NUP210L: variants seen among roughly 807,000 people sequenced by gnomAD.
NUP210L encodes the protein nuclear pore membrane glycoprotein 210-like.
Under a neutral mutation model 208.5 loss-of-function variants are expected in NUP210L, and 74 were observed. That is an observed-to-expected ratio of 0.35 (90% confidence interval 0.29 to 0.43). The LOEUF (loss-of-function observed/expected upper bound fraction) is 0.43. NUP210L is among the 20% of genes least tolerant of loss of function. The probability of loss-of-function intolerance (pLI) is 1.00; values close to 1 mark genes in which losing one functional copy is unlikely to be tolerated. For missense variants in NUP210L, 1,843 were observed against 2,289.4 expected, an observed-to-expected ratio of 0.81 and a Z score of 3.98; for synonymous variants, 780 against 816.9, an observed-to-expected ratio of 0.95 and a Z score of 0.77.
At chr1:154,082,593 CAAT>C (rs1655395807) in intron 16 of NUP210L, among the ~76,000 whole-genome samples, 1 of 152,184 alleles carries the variant, frequency 6.6e-6, no homozygotes, top group Non-Finnish European at 1.5e-5. Flanking sequence ...GTATCCTTTA[CAAT>C]ATCCTTTATA....
chr1:153,997,197 CAGGT>C (rs1051871505), intron 37 of NUP210L, among the ~76,000 whole-genome samples: 32 of 151,600 alleles, frequency 2.1e-4, no homozygotes, highest in African/African-American at 7.5e-4. Context: ...CTCCTCACCT[CAGGT>C]GATCCAACCA....
intron 38 of NUP210L, among the ~76,000 whole-genome samples, chr1:153,993,567 GAAAAAA>G (rs1211758853): frequency 3.3e-5 from 4 of 122,872 alleles, no homozygotes; most frequent in African/African-American, 1.2e-4. Flanking sequence ...CTCTGTCTCA[GAAAAAA>G]AAAAAAAAGT....
In NUP210L at chr1:154,007,721, T is replaced by A. The variant is rs1187958851; in HGVS notation, c.4930+2251A>T. Among the ~76,000 whole-genome samples the A allele has an allele frequency of 5.2e-4, 79 of 151,778 alleles. 1 individual carries two copies. Among genetic ancestry groups the A allele is most frequent in the African/African-American group, 1.9e-3 (77 of 41,392 alleles). The stretch of plus-strand genomic sequence containing the variant: ...CTGAGTAGCTGGGACTACAGGCGCC[T>A]GCCAACACGCCTGGCTAATTTTTTG... On this transcript the variant is annotated intron_variant, in intron 35 of 39. Transcript: ENST00000368559.
At chr1:154,143,505 C>A (rs1022300659) in exon 3 of NUP210L, 2 of 1,613,896 alleles carry the variant, frequency 1.2e-6, no homozygotes, top group Admixed American at 1.7e-5. Flanking sequence ...ATAAAGTTCC[C>A]GGGCCCGAGA....
chr1:154,130,359 G>C (rs2148123720), intron 7 of NUP210L, among the ~76,000 whole-genome samples: 1 of 151,638 alleles, frequency 6.6e-6, no homozygotes, highest in East Asian at 2.0e-4. Flanking sequence ...TGAAACCACT[G>C]CCTCCCATGT....
At chr1:154,094,964 G>A (rs909755703) in exon 15 of NUP210L, 6 of 1,613,868 alleles carry the variant, frequency 3.7e-6, no homozygotes, top group Middle Eastern at 1.6e-4. Flanking sequence ...CATTGGATCC[G>A]GTAGATGTAC....
chr1:154,153,261 G>A (rs1659491796), intron 1 of NUP210L, among the ~76,000 whole-genome samples: 1 of 152,084 alleles, frequency 6.6e-6, no homozygotes, highest in South Asian at 2.1e-4. Context: ...AAATTATGAG[G>A]TGTGAGTCCA....
chr1:154,028,519 G>A (rs1652029036), intron 28 of NUP210L, among the ~76,000 whole-genome samples: 1 of 152,038 alleles, frequency 6.6e-6, no homozygotes, highest in African/African-American at 2.4e-5. Flanking sequence ...CTTGGGAGGT[G>A]GAGGTTGCAG....
At chr1:154,071,826 CG>C (rs1654749922) in intron 16 of NUP210L, among the ~76,000 whole-genome samples, 1 of 151,534 alleles carries the variant, frequency 6.6e-6, no homozygotes. Context: ...TTAGTAGAGA[CG>C]GGATTTCACC....
At chr1:154,115,216 C>A (rs1423515600) in intron 12 of NUP210L, among the ~76,000 whole-genome samples, 1 of 152,164 alleles carries the variant, frequency 6.6e-6, no homozygotes, top group Admixed American at 6.6e-5. Context: ...AGAACAGAGA[C>A]CTTACCATAC....
intron 16 of NUP210L, among the ~76,000 whole-genome samples, chr1:154,071,475 T>C (rs1166422648): frequency 1.3e-5 from 2 of 149,440 alleles, no homozygotes; most frequent in African/African-American, 4.9e-5. Flanking sequence ...CCAAAGTCTA[T>C]TGTGCCATTC....
intron 14 of NUP210L, among the ~76,000 whole-genome samples, chr1:154,096,676 G>A (rs1280292963): frequency 1.3e-5 from 2 of 151,606 alleles, no homozygotes; most frequent in Admixed American, 6.6e-5. Context: ...AGGAGAATCA[G>A]TTGGAGGCAG....
chr1:154,074,363 C>T (rs1308746396), intron 16 of NUP210L, among the ~76,000 whole-genome samples: 1 of 152,018 alleles, frequency 6.6e-6, no homozygotes, highest in African/African-American at 2.4e-5. Flanking sequence ...AAAAAGCATC[C>T]TTTTTTCTCT....
At chr1:154,138,015 TA>T (rs1406566971) in intron 6 of NUP210L, 90 bp downstream of exon 6, 13 of 914,836 alleles carry the variant, frequency 1.4e-5, no homozygotes, top group Non-Finnish European at 2.0e-5. Flanking sequence ...AAAACACAAG[TA>T]TTTTTCATAT....
At chr1:154,080,747 A>G (rs762833690) in intron 16 of NUP210L, among the ~76,000 whole-genome samples, 11 of 151,564 alleles carry the variant, frequency 7.3e-5, no homozygotes, top group Non-Finnish European at 1.5e-4. Context: ...CAAGGCAGGT[A>G]AATCAGTCAA....
intron 16 of NUP210L, chr1:154,079,321 G>C (rs1655191630): frequency 1.3e-5 from 2 of 152,088 alleles, no homozygotes; most frequent in Admixed American, 6.5e-5. Context: ...GAGGGGTCTT[G>C]CTATATTGCC....
chr1:154,086,786 A>G (rs1294596539), intron 16 of NUP210L, among the ~76,000 whole-genome samples: 1 of 152,112 alleles, frequency 6.6e-6, no homozygotes, highest in Non-Finnish European at 1.5e-5. Flanking sequence ...ACTGCACTGC[A>G]GCTTGAGTGA....
chr1:154,015,941 TAAATAAATAAATAAAA>T (rs1167146826), intron 33 of NUP210L, among the ~76,000 whole-genome samples: 64 of 144,294 alleles, frequency 4.4e-4, no homozygotes, highest in African/African-American at 1.4e-3. Flanking sequence ...AATAAATAAA[TAAATAAATAAATAAAA>T]ATAAAAAAAA....
chr1:154,119,176 C>G (rs1443883619), intron 10 of NUP210L, among the ~76,000 whole-genome samples: 2 of 152,022 alleles, frequency 1.3e-5, no homozygotes, highest in Non-Finnish European at 2.9e-5. Context: ...GAAAGGGATA[C>G]TATAAGCTAT....
Sources: allele counts gnomAD v4.1 joint callset (sites outside exome capture counted in the v4.1 genomes callset), GRCh38; gene constraint gnomAD v4.1.1; transcripts MANE v1.5; gene names NCBI Gene and HGNC (gene_info 2026-07-23, HGNC 2026-07-21).